Variants in WWOX observed in about 807,000 individuals in gnomAD.
WWOX encodes the protein WW domain-containing oxidoreductase.
Under a neutral mutation model 46.2 loss-of-function variants are expected in WWOX, and 69 were observed. That is an observed-to-expected ratio of 1.49 (90% confidence interval 1.23 to 1.82). WWOX has a LOEUF of 1.82. WWOX is among the 40% of genes most tolerant of loss of function. The pLI is 0.00. For synonymous variants in WWOX, 359 were observed against 202.6 expected, an observed-to-expected ratio of 1.77 and a Z score of -6.56; for missense variants, 919 against 542.6, an observed-to-expected ratio of 1.69 and a Z score of -6.89.
intron 8 of WWOX, among the ~76,000 whole-genome samples, chr16:79,036,381 T>G (rs2047866644): frequency 6.6e-6 from 1 of 152,212 alleles, no homozygotes. Context: ...ACTTTGTAAT[T>G]TAAGTCCCAT....
At chr16:78,694,496 A>G (rs2048057529) in intron 8 of WWOX, among the ~76,000 whole-genome samples, 1 of 152,136 alleles carries the variant, frequency 6.6e-6, no homozygotes. Flanking sequence ...GCTTTGCTCC[A>G]GTATCCATTT....
chr16:79,141,287 G>C (rs111966344), intron 8 of WWOX, among the ~76,000 whole-genome samples: 3,493 of 152,276 alleles, frequency 0.023, 52 homozygotes, highest in African/African-American at 0.033. Flanking sequence ...CAGACCGAAC[G>C]AGTGTTCATC....
intron 5 of WWOX, among the ~76,000 whole-genome samples, chr16:78,289,172 C>T (rs1041418455): frequency 6.6e-6 from 1 of 152,140 alleles, no homozygotes; most frequent in Admixed American, 6.5e-5. Flanking sequence ...GTCACTATGC[C>T]AGTCTGTTTC....
chr16:78,779,379 T>C (rs1411049436), intron 8 of WWOX, among the ~76,000 whole-genome samples: 1 of 152,098 alleles, frequency 6.6e-6, no homozygotes, highest in Non-Finnish European at 1.5e-5. Context: ...ACTCTTGAGC[T>C]CAAGAAATCC....
chr16:78,634,804 C>A (rs1244849507), intron 8 of WWOX, among the ~76,000 whole-genome samples: 7 of 139,562 alleles, frequency 5.0e-5, no homozygotes, highest in Admixed American at 1.4e-4. Flanking sequence ...AGGCTCAGCA[C>A]CCGACTGGAG....
intron 5 of WWOX, among the ~76,000 whole-genome samples, chr16:78,259,741 A>T (rs528361196): frequency 6.6e-6 from 1 of 151,572 alleles, no homozygotes; most frequent in African/African-American, 2.4e-5. Flanking sequence ...TAGTTCTGAG[A>T]TATAATTTGG....
At chr16:78,540,163 T>C (rs886076381) in intron 8 of WWOX, among the ~76,000 whole-genome samples, 6 of 152,050 alleles carry the variant, frequency 3.9e-5, no homozygotes, top group African/African-American at 7.2e-5. Context: ...TATTCATATA[T>C]TTAGGTATAG....
intron 8 of WWOX, chr16:78,897,467 GTT>G (rs1293207969): frequency 2.6e-5 from 4 of 151,940 alleles, no homozygotes; most frequent in African/African-American, 9.7e-5. Context: ...TTCACATAAT[GTT>G]TTTGTGATTC....
At chr16:78,333,640 C>G (rs1222900078) in intron 5 of WWOX, among the ~76,000 whole-genome samples, 5 of 152,080 alleles carry the variant, frequency 3.3e-5, no homozygotes, top group Non-Finnish European at 7.4e-5. Flanking sequence ...TATAGGAGTA[C>G]TTCATTAAGT....
At chr16:78,133,457 C>T (rs1357572653) in intron 4 of WWOX, among the ~76,000 whole-genome samples, 3 of 152,156 alleles carry the variant, frequency 2.0e-5, no homozygotes, top group South Asian at 2.1e-4. Flanking sequence ...GACGGGGTTT[C>T]ACCATGTTGG....
At chr16:79,030,537 C>T (rs144237002) in intron 8 of WWOX, among the ~76,000 whole-genome samples, 1,791 of 152,334 alleles carry the variant, frequency 0.012, 12 homozygotes, top group Non-Finnish European at 0.018. Context: ...CAGGCGTGAT[C>T]CCTAACAGCT....
chr16:78,464,761 T>G (rs2084034084), intron 8 of WWOX, among the ~76,000 whole-genome samples: 1 of 152,180 alleles, frequency 6.6e-6, no homozygotes, highest in African/African-American at 2.4e-5. Flanking sequence ...GTCTCCTTTT[T>G]GGAGAAATGG....
chr16:78,905,489 C>T (rs748780674), intron 8 of WWOX, among the ~76,000 whole-genome samples: 3 of 152,162 alleles, frequency 2.0e-5, no homozygotes, highest in Non-Finnish European at 4.4e-5. Flanking sequence ...GCAAGTAATC[C>T]TCCCACCTCA....
chr16:78,618,451 C>T (rs1396298863), intron 8 of WWOX, among the ~76,000 whole-genome samples: 1 of 152,146 alleles, frequency 6.6e-6, no homozygotes, highest in Non-Finnish European at 1.5e-5. Context: ...ACATGGTCTT[C>T]CCTCTGTGTG....
intron 8 of WWOX, among the ~76,000 whole-genome samples, chr16:78,588,233 G>A (rs904651399): frequency 6.6e-6 from 1 of 152,232 alleles, no homozygotes; most frequent in Non-Finnish European, 1.5e-5. Context: ...GATGACAATA[G>A]CCTCAAACTT....
intron 8 of WWOX, among the ~76,000 whole-genome samples, chr16:79,173,558 T>C (rs1425192181): frequency 1.3e-5 from 2 of 151,934 alleles, no homozygotes; most frequent in East Asian, 1.9e-4. Flanking sequence ...AAAAAGAGAC[T>C]GTAGCTCACA....
chr16:78,439,801 C>A (rs1239692132), intron 8 of WWOX, among the ~76,000 whole-genome samples: 3 of 152,198 alleles, frequency 2.0e-5, no homozygotes, highest in Admixed American at 2.0e-4. Flanking sequence ...ATATGAGTAG[C>A]TCCTTTGTGA....
At chr16:78,331,652 T>C (rs535968587) in intron 5 of WWOX, among the ~76,000 whole-genome samples, 1 of 152,306 alleles carries the variant, frequency 6.6e-6, no homozygotes, top group East Asian at 1.9e-4. Context: ...ACTGGGTTCA[T>C]GGGTGATGAC....
At chr16:79,096,743 C>G (rs1370275190) in intron 8 of WWOX, among the ~76,000 whole-genome samples, 1 of 152,270 alleles carries the variant, frequency 6.6e-6, no homozygotes, top group Non-Finnish European at 1.5e-5. Flanking sequence ...AGGTATTTCA[C>G]CTGTTTTGTT....
Sources: allele counts gnomAD v4.1 joint callset (sites outside exome capture counted in the v4.1 genomes callset), GRCh38; gene constraint gnomAD v4.1.1; transcripts MANE v1.5; gene names NCBI Gene and HGNC (gene_info 2026-07-23, HGNC 2026-07-21).